Variants in ATG4C observed in about 807,000 individuals in gnomAD.
ATG4C encodes the protein autophagy related 4C cysteine peptidase.
ATG4C carries 56 observed loss-of-function variants against 57.6 expected under a neutral mutation model. The observed-to-expected ratio is 0.97, with a 90% CI of 0.78 to 1.21. ATG4C has a LOEUF of 1.21. ATG4C is among the 50% of genes most tolerant of loss of function. The pLI is 0.00. For synonymous variants in ATG4C, 157 were observed against 174.1 expected, an observed-to-expected ratio of 0.90 and a Z score of 0.78; for missense variants, 595 against 529.8, an observed-to-expected ratio of 1.12 and a Z score of -1.21.
At chr1:62,848,083 C>T (rs1666384430) in intron 10 of ATG4C, among the ~76,000 whole-genome samples, 1 of 152,142 alleles carries the variant, frequency 6.6e-6, no homozygotes, top group Non-Finnish European at 1.5e-5. Flanking sequence ...TTTTAAATTA[C>T]AGAAAGACAT....
intron 10 of ATG4C, among the ~76,000 whole-genome samples, chr1:62,844,634 A>G (rs766966440): frequency 2.0e-5 from 3 of 152,072 alleles, no homozygotes; most frequent in Non-Finnish European, 1.5e-5. Context: ...GTAAATACCC[A>G]TGTGTTACCA....
chr1:62,832,480 ACT>A (rs1665873538), intron 7 of ATG4C, among the ~76,000 whole-genome samples: 1 of 152,130 alleles, frequency 6.6e-6, no homozygotes, highest in Non-Finnish European at 1.5e-5. Flanking sequence ...AAGAGGGCGA[ACT>A]CTGTCCTCAC....
At chr1:62,791,728 C>T (rs1465297994) in intron 1 of ATG4C, among the ~76,000 whole-genome samples, 1 of 152,180 alleles carries the variant, frequency 6.6e-6, no homozygotes, top group African/African-American at 2.4e-5. Context: ...ACCCCAGTTA[C>T]CCAGTCATCT....
chr1:62,816,301 ATAT>A (rs1258493522), intron 3 of ATG4C, among the ~76,000 whole-genome samples: 1 of 152,002 alleles, frequency 6.6e-6, no homozygotes, highest in Non-Finnish European at 1.5e-5. Context: ...AGAATATAGG[ATAT>A]TATTATTAAT....
rs1417732035 is a variant in ATG4C at position 62,816,738 on chromosome 1, G to T, written c.324G>T (p.Gly108=). The change falls in exon 4 of 11, where the codon GGG becomes GGT. Residue 108 remains glycine, a synonymous_variant. Transcript: ENST00000317868. The part of the protein sequence containing the change: ...IEGSALTTDC[G]WGCTLRTGQM... ...GCTCAGCTTTGACAACAGACTGTGG[G>T]TGGGGCTGCACATTGAGAACTGGCC... is the stretch of plus-strand genomic sequence containing the variant. 2 of 1,613,814 alleles carry T rather than the reference G, an allele frequency of 1.2e-6. No individual in the cohort carries two copies. Among genetic ancestry groups the T allele is most frequent in the Non-Finnish European group, 1.7e-6 (2 of 1,179,868 alleles).
intron 3 of ATG4C, among the ~76,000 whole-genome samples, chr1:62,809,794 A>G (rs1366920894): frequency 6.6e-6 from 1 of 151,954 alleles, no homozygotes; most frequent in Non-Finnish European, 1.5e-5. Context: ...TTTAATTAGA[A>G]ACTTGAATGG....
At chr1:62,831,444 A>G (rs11587081) in intron 7 of ATG4C, among the ~76,000 whole-genome samples, 58,014 of 152,028 alleles carry the variant, frequency 0.38, 11,855 homozygotes, top group East Asian at 0.66. Flanking sequence ...TTTATTAAAC[A>G]AGGTATTTCA....
At chr1:62,816,021 A>G (rs1460010540) in intron 3 of ATG4C, among the ~76,000 whole-genome samples, 1 of 152,002 alleles carries the variant, frequency 6.6e-6, no homozygotes, top group African/African-American at 2.4e-5. Flanking sequence ...AGTGCTGGGG[A>G]TTATAGATGT....
At chr1:62,856,936 C>G (rs1463944253) in intron 10 of ATG4C, among the ~76,000 whole-genome samples, 1 of 152,124 alleles carries the variant, frequency 6.6e-6, no homozygotes, top group African/African-American at 2.4e-5. Flanking sequence ...CCTGAGTGAT[C>G]TGGCCCTTGT....
At chr1:62,803,438 C>A (rs1450160348) in intron 1 of ATG4C, among the ~76,000 whole-genome samples, 1 of 152,028 alleles carries the variant, frequency 6.6e-6, no homozygotes, top group African/African-American at 2.4e-5. Context: ...CAATTGTGAG[C>A]AGTTGGGGGA....
chr1:62,827,218 G>A (rs1405712208), intron 6 of ATG4C, among the ~76,000 whole-genome samples: 3 of 151,996 alleles, frequency 2.0e-5, no homozygotes, highest in East Asian at 1.9e-4. Context: ...AACTATAATC[G>A]TATCTTCTAA....
chr1:62,834,242 T>C, intron 8 of ATG4C, 126 bp downstream of exon 8: 3 of 695,796 alleles, frequency 4.3e-6, no homozygotes, highest in Non-Finnish European at 6.9e-6. Context: ...TCATCAGTCC[T>C]ACTATAGCCA....
intron 3 of ATG4C, among the ~76,000 whole-genome samples, chr1:62,807,858 C>T (rs116810777): frequency 0.028 from 4,261 of 152,230 alleles, 59 homozygotes; most frequent in Middle Eastern, 0.061. Flanking sequence ...CCAAGTTGGA[C>T]GGAAGTATGG....
chr1:62,863,798 T>G (rs1379296363), intron 10 of ATG4C, among the ~76,000 whole-genome samples, 194 bp from the exon 11 acceptor site: 1 of 152,026 alleles, frequency 6.6e-6, no homozygotes, highest in Non-Finnish European at 1.5e-5. Context: ...GAGCATGCAT[T>G]TACCTATAAA....
At position 62,841,678 on chromosome 1, in the gene ATG4C, T is replaced by C. The variant is rs1445052506; in HGVS notation, c.1209+131T>C. ...TTGAATGTTAATATTATTAGGAGTA[T>C]TGTGAATTGAAAAATAAAGCCATTT... On this transcript the variant is annotated intron_variant, in intron 10 of 10. Coordinates refer to ENST00000317868, the MANE Select transcript of ATG4C (RefSeq NM_032852.4). The C allele has an allele frequency of 1.3e-5, 10 of 764,848 alleles. 1 individual carries two copies. The South Asian group carries it at 2.7e-4, about 20-fold the overall frequency. 47.4% of individuals were successfully genotyped at this position (764,848 alleles called of 1,614,324 possible). A position where few individuals can be genotyped will look rare whatever the true frequency, so the allele number is the denominator to read the frequency against.
chr1:62,840,241 A>G (rs1235918387), intron 9 of ATG4C, among the ~76,000 whole-genome samples: 1 of 152,116 alleles, frequency 6.6e-6, no homozygotes, highest in Non-Finnish European at 1.5e-5. Flanking sequence ...TGCAGCTTCA[A>G]AACTTCTGGG....
At chr1:62,831,184 C>T (rs1240295843) in intron 7 of ATG4C, among the ~76,000 whole-genome samples, 1 of 151,998 alleles carries the variant, frequency 6.6e-6, no homozygotes, top group Non-Finnish European at 1.5e-5. Context: ...GTAAAAATGG[C>T]TGAAATGGTT....
At chr1:62,814,041 T>A (rs1040643457) in intron 3 of ATG4C, among the ~76,000 whole-genome samples, 3 of 152,154 alleles carry the variant, frequency 2.0e-5, no homozygotes, top group Admixed American at 6.5e-5. Context: ...GTGTGGCGAT[T>A]CCTCAAAGAT....
chr1:62,850,732 G>A (rs1666479063), intron 10 of ATG4C, among the ~76,000 whole-genome samples: 1 of 151,298 alleles, frequency 6.6e-6, no homozygotes, highest in Non-Finnish European at 1.5e-5. Flanking sequence ...GGCCTTCCCT[G>A]GGCACCCTTT....
Sources: allele counts gnomAD v4.1 joint callset (sites outside exome capture counted in the v4.1 genomes callset), GRCh38; gene constraint gnomAD v4.1.1; transcripts MANE v1.5; gene names NCBI Gene and HGNC (gene_info 2026-07-23, HGNC 2026-07-21).